Variants in WWOX observed in about 807,000 individuals in gnomAD.
WWOX encodes WW domain-containing oxidoreductase.
Under a neutral mutation model 46.2 loss-of-function variants are expected in WWOX, and 69 were observed. That is an observed-to-expected ratio of 1.49 (90% CI 1.23 to 1.82). The LOEUF (loss-of-function observed/expected upper bound fraction) is 1.82, where lower values mean the gene tolerates loss of function less well. Ranked by LOEUF, WWOX falls within the 40% of genes most tolerant of loss-of-function variation. The probability of loss-of-function intolerance (pLI) is 0.00; values close to 1 mark genes in which losing one functional copy is unlikely to be tolerated. For synonymous variants in WWOX, 359 were observed against 202.6 expected (o/e 1.77, Z -6.56); for missense variants, 919 against 542.6 (o/e 1.69, Z -6.89).
Position 78,144,462 on chromosome 16 carries a change from TAC to T in WWOX, c.410-19715_410-19714del, listed in dbSNP as rs1211442706. On this transcript the variant is annotated intron_variant, in intron 4 of 8. Coordinates refer to ENST00000566780, the MANE Select transcript of WWOX (RefSeq NM_016373.4). ...ATATATATATACACATATATATATA[TAC>T]ACACATATATATATATATATATACA... Among the ~76,000 whole-genome samples, 69 of 23,624 alleles carry T rather than the reference TAC, an allele frequency of 2.9e-3. 15 individuals are homozygous for T. Among genetic ancestry groups the T allele is most frequent in the African/African-American group, 0.011 (68 of 6,358 alleles). The allele number at this position is 23,624 out of a possible 152,430, so 15.5% of individuals were successfully genotyped here.
chr16:78,903,371 T>G (rs929824924), intron 8 of WWOX, among the ~76,000 whole-genome samples: 1 of 152,196 alleles, frequency 6.6e-6, no homozygotes, highest in African/African-American at 2.4e-5. Context: ...TGCTCTTTTA[T>G]GCAAACGAAG....
intron 8 of WWOX, among the ~76,000 whole-genome samples, chr16:78,488,408 C>G (rs2084692732): frequency 6.6e-6 from 1 of 152,062 alleles, no homozygotes; most frequent in Non-Finnish European, 1.5e-5. Flanking sequence ...AAAACCTGCA[C>G]AGTGGTACAC....
chr16:78,737,338 G>T (rs1362795714), intron 8 of WWOX, among the ~76,000 whole-genome samples: 1 of 150,874 alleles, frequency 6.6e-6, no homozygotes, highest in Non-Finnish European at 1.5e-5. Flanking sequence ...GTTTCATCAT[G>T]TTGATCAGGC....
At chr16:78,182,969 AAAG>A (rs2151755152) in intron 5 of WWOX, among the ~76,000 whole-genome samples, 4 of 80,394 alleles carry the variant, frequency 5.0e-5, no homozygotes, top group African/African-American at 1.7e-4. Context: ...AAAAAAAAAG[AAAG>A]AAAGAAAGCA....
intron 8 of WWOX, among the ~76,000 whole-genome samples, chr16:78,829,718 T>C (rs1079635): frequency 0.27 from 40,324 of 152,082 alleles, 6,251 homozygotes; most frequent in East Asian, 0.44. Flanking sequence ...AGTCATTATC[T>C]TCCCCAACCT....
chr16:78,476,652 T>C (rs995378191), intron 8 of WWOX, among the ~76,000 whole-genome samples: 1 of 151,976 alleles, frequency 6.6e-6, no homozygotes, highest in Admixed American at 6.6e-5. Context: ...TCGACTTTCG[T>C]TTTCATTTCA....
At chr16:78,185,700 T>C (rs1239422348) in intron 5 of WWOX, among the ~76,000 whole-genome samples, 2 of 152,188 alleles carry the variant, frequency 1.3e-5, no homozygotes, top group East Asian at 3.8e-4. Context: ...GGAGTCTCGC[T>C]CTGTTACCCA....
chr16:78,405,365 A>G (rs960727260), intron 6 of WWOX, among the ~76,000 whole-genome samples: 1 of 152,228 alleles, frequency 6.6e-6, no homozygotes, highest in Non-Finnish European at 1.5e-5. Context: ...TGACAGCAGA[A>G]TCCATTCCCA....
At chr16:78,778,869 T>A (rs538143912) in intron 8 of WWOX, among the ~76,000 whole-genome samples, 1 of 152,238 alleles carries the variant, frequency 6.6e-6, no homozygotes, top group Non-Finnish European at 1.5e-5. Context: ...AACACCCACA[T>A]TGACCCAGCA....
At chr16:78,989,310 C>G (rs77603359) in intron 8 of WWOX, among the ~76,000 whole-genome samples, 1,555 of 152,242 alleles carry the variant, frequency 0.01, 31 homozygotes, top group African/African-American at 0.035. Context: ...ATATCAAGAG[C>G]TAAATACATT....
intron 8 of WWOX, among the ~76,000 whole-genome samples, chr16:78,816,392 A>T (rs1486876103): frequency 6.6e-6 from 1 of 151,710 alleles, no homozygotes; most frequent in Non-Finnish European, 1.5e-5. Context: ...TTGTGCTTTT[A>T]ATAGATATTG....
chr16:78,711,562 T>C (rs967305693), intron 8 of WWOX, among the ~76,000 whole-genome samples: 2 of 152,204 alleles, frequency 1.3e-5, no homozygotes, highest in Admixed American at 6.5e-5. Context: ...GTGATTAAAG[T>C]GTGAGCAGAT....
chr16:78,939,089 A>G lies in WWOX; in HGVS notation c.1057-272519A>G, dbSNP rs1289591522. On this transcript the variant is annotated intron_variant, in intron 8 of 8. Coordinates refer to ENST00000566780, the MANE Select transcript of WWOX (RefSeq NM_016373.4). ...GAGTGGGTAGCCACAGGAGGGCTTT[A>G]GACAGGACAGTGGCCCCGCTGGATT... Among the ~76,000 whole-genome samples, 3 of 152,228 alleles carry G rather than the reference A, an allele frequency of 2.0e-5. No individual in the cohort carries two copies. In the East Asian group the frequency reaches 5.8e-4, roughly 29 times the overall value.
chr16:78,967,336 C>T (rs1489733703), intron 8 of WWOX, among the ~76,000 whole-genome samples: 1 of 121,270 alleles, frequency 8.2e-6, no homozygotes, highest in Non-Finnish European at 1.6e-5. Flanking sequence ...GTCACCCAGG[C>T]TGGAGTGCAG....
At chr16:78,336,330 CAA>C (rs35010158) in intron 5 of WWOX, among the ~76,000 whole-genome samples, 75,249 of 130,986 alleles carry the variant, frequency 0.57, 21,755 homozygotes, top group Non-Finnish European at 0.65. Context: ...AAAATAACAC[CAA>C]AAAAAAAAAA....
At chr16:78,682,555 C>A (rs1396208329) in intron 8 of WWOX, among the ~76,000 whole-genome samples, 2 of 152,072 alleles carry the variant, frequency 1.3e-5, no homozygotes, top group Non-Finnish European at 2.9e-5. Context: ...GGCACTCCAG[C>A]CTGGGTGATA....
intron 8 of WWOX, among the ~76,000 whole-genome samples, chr16:79,005,151 C>G (rs1456647753): frequency 1.3e-5 from 2 of 152,130 alleles, no homozygotes; most frequent in African/African-American, 2.4e-5. Context: ...TGGCCTTTCT[C>G]TTTTGCTTGC....
At chr16:78,836,250 C>T (rs746116885) in intron 8 of WWOX, among the ~76,000 whole-genome samples, 1 of 151,968 alleles carries the variant, frequency 6.6e-6, no homozygotes, top group African/African-American at 2.4e-5. Flanking sequence ...GATCCAGGGA[C>T]GGCTCCTTGG....
At chr16:78,733,030 T>C (rs1177279548) in intron 8 of WWOX, among the ~76,000 whole-genome samples, 1 of 152,186 alleles carries the variant, frequency 6.6e-6, no homozygotes, top group Non-Finnish European at 1.5e-5. Context: ...TACCCCTCTT[T>C]GCTTTTACGG....
Sources: allele counts gnomAD v4.1 joint callset (sites outside exome capture counted in the v4.1 genomes callset), GRCh38; gene constraint gnomAD v4.1.1; transcripts MANE v1.5; gene names NCBI Gene and HGNC (gene_info 2026-07-23, HGNC 2026-07-21).